ARMC9: variants seen among roughly 807,000 people sequenced by gnomAD.
ARMC9 encodes the protein lisH domain-containing protein ARMC9.
In ARMC9, 94 loss-of-function variants were observed where a neutral mutation model predicts 107.0. The observed-to-expected ratio is 0.88, with a 90% CI of 0.74 to 1.04. The LOEUF (loss-of-function observed/expected upper bound fraction) is 1.04, where lower values mean the gene tolerates loss of function less well. Ranked by LOEUF, ARMC9 falls within the 50% of genes least tolerant of loss-of-function variation. The pLI, the probability that ARMC9 is intolerant of heterozygous loss-of-function variation, is 0.00. For synonymous variants in ARMC9, 380 were observed against 396.9 expected (o/e 0.96, Z 0.51); for missense variants, 942 against 1,030.1 (o/e 0.91, Z 1.17).
chr2:231,327,819 C>G (rs1478377614), intron 19 of ARMC9, among the ~76,000 whole-genome samples: 1 of 152,116 alleles, frequency 6.6e-6, no homozygotes, highest in African/African-American at 2.4e-5. Context: ...GAGTCTTGCT[C>G]TGTCACCCAG....
intron 21 of ARMC9, among the ~76,000 whole-genome samples, chr2:231,351,657 TTTG>T (rs1483146117): frequency 2.6e-5 from 4 of 152,122 alleles, no homozygotes; most frequent in African/African-American, 9.7e-5. Context: ...TTGATTTTTG[TTTG>T]TTTTCTTTTG....
chr2:231,302,999 G>A (rs963988282), intron 19 of ARMC9, among the ~76,000 whole-genome samples: 4 of 152,214 alleles, frequency 2.6e-5, no homozygotes, highest in East Asian at 1.9e-4. Context: ...GCGAGACTCC[G>A]TCTCAAAAAA....
chr2:231,246,106 C>T lies in ARMC9; in HGVS notation c.879+6065C>T, dbSNP rs539831761. ...GGATGGGGAGGTTTCCATTTAAATGCATCCTTATTTAGAAAGATGCCCATT... is the reference window on the plus strand; with the variant it reads ...GGATGGGGAGGTTTCCATTTAAATGTATCCTTATTTAGAAAGATGCCCATT... On this transcript the variant is annotated intron_variant, in intron 9 of 24. Coordinates refer to ENST00000611582, the MANE Select transcript of ARMC9 (RefSeq NM_001352754.2). Among the ~76,000 whole-genome samples the T allele has an allele frequency of 8.5e-5, 13 of 152,306 alleles. No individual in the cohort carries two copies. In the South Asian group the frequency reaches 2.1e-3, roughly 24 times the overall value.
intron 9 of ARMC9, among the ~76,000 whole-genome samples, chr2:231,249,111 G>T (rs1559349977): frequency 6.6e-6 from 1 of 152,154 alleles, no homozygotes; most frequent in Non-Finnish European, 1.5e-5. Flanking sequence ...CTCTCCTGGG[G>T]TCTGGCCCCC....
At chr2:231,331,988 G>C in intron 20 of ARMC9, 91 bp downstream of exon 20, 1 of 1,093,426 alleles carries the variant, frequency 9.1e-7, no homozygotes, top group Non-Finnish European at 1.4e-6. Flanking sequence ...AGAGGGTTTA[G>C]TTTGGTTTGT....
In ARMC9 at chr2:231,213,775, A is replaced by T. The variant is rs144687556; in HGVS notation, c.178-1056A>T. 5.5e-3 allele frequency among the ~76,000 whole-genome samples: 842 copies of T among 152,130 alleles called. 2 individuals carry two copies. Among genetic ancestry groups the T allele is most frequent in the Non-Finnish European group, 7.0e-3 (479 of 68,000 alleles). On this transcript the variant is annotated intron_variant, in intron 3 of 24. Transcript: ENST00000611582. ...CAGGTGTGAGCCATCTCACCCATAA[A>T]CTCATTTTTAGAAGTATAAAAGAAC...
chr2:231,301,428 T>G (rs2041718926), intron 19 of ARMC9, among the ~76,000 whole-genome samples: 1 of 152,208 alleles, frequency 6.6e-6, no homozygotes, highest in Non-Finnish European at 1.5e-5. Flanking sequence ...TGTTAATAAT[T>G]CAGATTTCAC....
intron 5 of ARMC9, among the ~76,000 whole-genome samples, chr2:231,218,958 G>T (rs2033824207): frequency 6.6e-6 from 1 of 151,908 alleles, no homozygotes; most frequent in Admixed American, 6.6e-5. Flanking sequence ...CACCATGTTG[G>T]CCAGGCTGGT....
intron 8 of ARMC9, 150 bp downstream of exon 8, chr2:231,235,531 G>A: frequency 1.1e-6 from 1 of 894,886 alleles, no homozygotes; most frequent in East Asian, 2.8e-5. Flanking sequence ...CAACATGCAT[G>A]AAGGAGATAA....
chr2:231,237,610 C>T (rs1190455005), intron 8 of ARMC9, among the ~76,000 whole-genome samples: 1 of 151,646 alleles, frequency 6.6e-6, no homozygotes, highest in East Asian at 1.9e-4. Context: ...TATTTCTCCA[C>T]ACACGGCAAC....
At chr2:231,321,510 GT>G (rs1025820925) in intron 19 of ARMC9, among the ~76,000 whole-genome samples, 11 of 152,054 alleles carry the variant, frequency 7.2e-5, no homozygotes, top group African/African-American at 1.4e-4. Context: ...TTGAATAATA[GT>G]TTTTTTTGTC....
In ARMC9 at chr2:231,305,709, C is replaced by T. The variant is rs74937455; in HGVS notation, c.1773+9456C>T. ...CTACCCTGCAAGGTTCTTTACTGGC[C>T]GTGTTTTAAAATTTTGGGTGGTGGG... On this transcript the variant is annotated intron_variant, in intron 19 of 24. Transcript: ENST00000611582. Among the ~76,000 whole-genome samples, 14 of 152,040 alleles carry T rather than the reference C, an allele frequency of 9.2e-5. No homozygotes were observed. The East Asian group carries it at 2.5e-3, about 27-fold the overall frequency.
At chr2:231,225,014 G>A (rs1158770809) in intron 6 of ARMC9, among the ~76,000 whole-genome samples, 1 of 152,220 alleles carries the variant, frequency 6.6e-6, no homozygotes, top group Non-Finnish European at 1.5e-5. Flanking sequence ...GTCCTATAAG[G>A]AATAAGGAGC....
At chr2:231,263,364 T>G (rs2038560072) in intron 12 of ARMC9, among the ~76,000 whole-genome samples, 1 of 152,148 alleles carries the variant, frequency 6.6e-6, no homozygotes, top group Non-Finnish European at 1.5e-5. Context: ...GTCTAGGAAG[T>G]CCAAGAGCAT....
chr2:231,275,946 T>A (rs11888242), intron 14 of ARMC9, among the ~76,000 whole-genome samples: 16,525 of 151,916 alleles, frequency 0.11, 2,095 homozygotes, highest in African/African-American at 0.3. Flanking sequence ...AGAGCAAAAC[T>A]CCGTCTCAGG....
intron 23 of ARMC9, 22 bp from the exon 24 acceptor site, chr2:231,369,931 C>G: frequency 6.8e-7 from 1 of 1,463,924 alleles, no homozygotes; most frequent in Non-Finnish European, 9.1e-7. Flanking sequence ...GCTGGGACTC[C>G]AGGTTGCACG....
chr2:231,254,175 G>A (rs1399093025), intron 9 of ARMC9, among the ~76,000 whole-genome samples: 1 of 152,154 alleles, frequency 6.6e-6, no homozygotes, highest in East Asian at 1.9e-4. Context: ...ATAAAGCTAT[G>A]AAAATGTTAG....
intron 10 of ARMC9, among the ~76,000 whole-genome samples, chr2:231,257,104 C>T (rs114448048): frequency 7.4e-4 from 112 of 152,324 alleles, no homozygotes; most frequent in Non-Finnish European, 1.2e-3. Context: ...CGTGAGCCAC[C>T]GCGCCTGGCC....
intron 21 of ARMC9, among the ~76,000 whole-genome samples, chr2:231,349,787 A>AAG (rs2044975820): frequency 6.6e-6 from 1 of 151,882 alleles, no homozygotes; most frequent in African/African-American, 2.4e-5. Flanking sequence ...AACTTAAAAC[A>AAG]AAAATGAGTA....
Sources: gnomAD v4.1 joint callset for allele counts (sites outside exome capture counted in the v4.1 genomes callset) on GRCh38, gnomAD v4.1.1 for gene constraint, MANE v1.5 for transcripts, NCBI Gene and HGNC (gene_info 2026-07-23, HGNC 2026-07-21) for gene names.